Variants in JAK2 observed in about 807,000 individuals in gnomAD.
JAK2 encodes the protein tyrosine-protein kinase JAK2.
JAK2 carries 86 observed loss-of-function variants against 139.3 expected under a neutral mutation model. The ratio of observed to expected loss-of-function variants is 0.62; its 90% CI spans 0.52 to 0.74. The LOEUF is 0.74. JAK2 is among the 30% of genes least tolerant of loss of function. JAK2 has a pLI of 0.00. For synonymous variants in JAK2, 490 were observed against 437.7 expected, an observed-to-expected ratio of 1.12 and a Z score of -1.49; for missense variants, 1,421 against 1,360.3, an observed-to-expected ratio of 1.04 and a Z score of -0.70.
chr9:5,080,735 T>C (rs1819630152), intron 18 of JAK2, 52 bp downstream of exon 18: 1 of 1,336,704 alleles, frequency 7.5e-7, no homozygotes, highest in African/African-American at 1.5e-5. Context: ...CTTTATTGTA[T>C]TTAATGAATC....
rs2130617968 is a variant in JAK2 at position 5,081,733 on chromosome 9, C to T, written c.2443C>T (p.Leu815=). ...LNSLFTPDYE[L]LTENDMLPNM... is the part of the protein sequence containing the mutation. ...ATTCTTTATTTCTCCAGATTATGAA[C>T]TATTAACAGAAAATGACATGTTACC... The change falls in exon 19 of 25, where the codon CTA becomes TTA. Residue 815 remains leucine (L), a synonymous_variant. Transcript: ENST00000381652. The T allele has an allele frequency of 6.3e-7, 1 of 1,592,712 alleles. No individual in the cohort carries two copies. The highest frequency in any genetic ancestry group is 8.6e-7 in the Non-Finnish European group (1 of 1,161,176).
chr9:5,118,431 C>T (rs1042378038), intron 22 of JAK2, among the ~76,000 whole-genome samples: 5 of 152,156 alleles, frequency 3.3e-5, no homozygotes, highest in African/African-American at 7.2e-5. Context: ...GACCAACAAA[C>T]TTGTAACTAT....
chr9:5,040,292 C>CA (rs58348792), intron 4 of JAK2, among the ~76,000 whole-genome samples: 15,658 of 137,958 alleles, frequency 0.11, 2,057 homozygotes, highest in African/African-American at 0.33. Context: ...ACACTATATA[C>CA]AAAAAAAAAA....
chr9:5,115,419 T>G (rs1823062497), intron 22 of JAK2, among the ~76,000 whole-genome samples: 1 of 152,208 alleles, frequency 6.6e-6, no homozygotes, highest in Non-Finnish European at 1.5e-5. Context: ...CAACAGATGC[T>G]GAAGAGGATG....
At position 5,129,400 on chromosome 9, in the gene JAK2, T is replaced by C. The variant is rs1408279346; in HGVS notation, c.*2609T>C. ...GTTTTTAAGAAATGCTTCCTACAAC[T>C]GCTGTCAACCACTGTATTGTCTTTA... is the stretch of plus-strand genomic sequence containing the variant. On this transcript the variant is annotated 3_prime_UTR_variant, in exon 25 of 25. Transcript: ENST00000381652. 6.6e-6 allele frequency among the ~76,000 whole-genome samples: 1 copy of C among 152,130 alleles called. No homozygotes were observed. Among genetic ancestry groups the C allele is most frequent in the Non-Finnish European group, 1.5e-5 (1 of 67,958 alleles).
intron 22 of JAK2, among the ~76,000 whole-genome samples, chr9:5,115,358 G>C (rs1823055422): frequency 6.6e-6 from 1 of 152,196 alleles, no homozygotes; most frequent in African/African-American, 2.4e-5. Flanking sequence ...AAACCAGAGT[G>C]AGGTACCATC....
chr9:5,003,038 G>T lies in JAK2; in HGVS notation c.-26+17016G>T, dbSNP rs1175896156. Among the ~76,000 whole-genome samples, 6 of 151,842 alleles carry T rather than the reference G, an allele frequency of 4.0e-5. No individual in the cohort carries two copies. In the East Asian group the frequency reaches 1.2e-3, roughly 29 times the overall value. On this transcript the variant is annotated intron_variant, in intron 2 of 24. Coordinates refer to ENST00000381652, the MANE Select transcript of JAK2 (RefSeq NM_004972.4). Reference sequence around the variant, plus strand: ...CAATGGCACATCTGTTCCAAATTAGGTAACTGTATGTGAGTATGTTTTTTT... The same window carrying T: ...CAATGGCACATCTGTTCCAAATTAGTTAACTGTATGTGAGTATGTTTTTTT...
At position 5,046,617 on chromosome 9, in the gene JAK2, A is replaced by G. The variant is rs536834436; in HGVS notation, c.468+2097A>G. 3.7e-4 allele frequency among the ~76,000 whole-genome samples: 57 copies of G among 152,300 alleles called. 1 individual carries two copies. Among genetic ancestry groups the G allele is most frequent in the African/African-American group, 1.3e-3 (56 of 41,570 alleles). On this transcript the variant is annotated intron_variant, in intron 5 of 24. Coordinates refer to ENST00000381652, the MANE Select transcript of JAK2 (RefSeq NM_004972.4). ...GGCCCAACTTCTTTTGCTTGTGAAT[A>G]TCCAGTTTTCCTAGCACCATTTGTT...
intron 14 of JAK2, among the ~76,000 whole-genome samples, chr9:5,076,693 C>T (rs138616594): frequency 6.6e-6 from 1 of 152,202 alleles, no homozygotes; most frequent in African/African-American, 2.4e-5. Context: ...TTTAGTGCCT[C>T]ACAAAGTTTA....
intron 8 of JAK2, among the ~76,000 whole-genome samples, chr9:5,060,108 T>A (rs957646617): frequency 1.3e-5 from 2 of 152,228 alleles, no homozygotes; most frequent in Non-Finnish European, 2.9e-5. Flanking sequence ...CTACTAAGTG[T>A]GCAACAGCAT....
intron 2 of JAK2, among the ~76,000 whole-genome samples, chr9:5,014,184 C>G (rs10974913): frequency 0.52 from 50,363 of 96,822 alleles, 10,212 homozygotes; most frequent in African/African-American, 0.68. Flanking sequence ...TTTTTTTTTT[C>G]GTAGAGACAG....
At chr9:5,041,182 C>T in intron 4 of JAK2, 3 of 1,346,466 alleles carry the variant, frequency 2.2e-6, no homozygotes, top group Non-Finnish European at 3.1e-6. Context: ...CCAAGAACCT[C>T]ATTTACCAGG....
At chr9:5,118,265 C>G (rs1190879050) in intron 22 of JAK2, among the ~76,000 whole-genome samples, 1 of 152,126 alleles carries the variant, frequency 6.6e-6, no homozygotes, top group African/African-American at 2.4e-5. Flanking sequence ...TGTATCATTC[C>G]TTTTTCTCTT....
At chr9:5,101,701 T>A (rs943146349) in intron 22 of JAK2, among the ~76,000 whole-genome samples, 3 of 152,194 alleles carry the variant, frequency 2.0e-5, no homozygotes, top group African/African-American at 7.2e-5. Flanking sequence ...GCAGCAACAT[T>A]GGCTGTTCTG....
At chr9:5,113,938 C>G (rs1822894135) in intron 22 of JAK2, 1 of 252,686 alleles carries the variant, frequency 4.0e-6, no homozygotes, top group African/African-American at 2.3e-5. Context: ...CATCCAGTTC[C>G]TGTGCCTCAT....
At chr9:5,030,850 A>G (rs1002858547) in intron 4 of JAK2, among the ~76,000 whole-genome samples, 2 of 152,146 alleles carry the variant, frequency 1.3e-5, no homozygotes, top group African/African-American at 4.8e-5. Flanking sequence ...TGAGTTCAAA[A>G]AAATATTTTT....
At chr9:5,094,638 C>T (rs1444302305) in intron 22 of JAK2, 1 of 152,280 alleles carries the variant, frequency 6.6e-6, no homozygotes, top group Middle Eastern at 3.4e-3. Flanking sequence ...TATTTCCACA[C>T]TAGCAAAAAC....
chr9:5,093,083 A>T (rs1044442187), intron 22 of JAK2, among the ~76,000 whole-genome samples: 3 of 152,184 alleles, frequency 2.0e-5, no homozygotes, highest in African/African-American at 7.2e-5. Context: ...AATAGAAGCA[A>T]TAATGTTAAT....
intron 2 of JAK2, among the ~76,000 whole-genome samples, chr9:5,015,226 A>G (rs895207135): frequency 1.3e-5 from 2 of 152,202 alleles, no homozygotes; most frequent in Non-Finnish European, 2.9e-5. Context: ...GCTGAGGCGC[A>G]ATGAATATTC....
Sources: gnomAD v4.1 joint callset for allele counts (sites outside exome capture counted in the v4.1 genomes callset) on GRCh38, gnomAD v4.1.1 for gene constraint, MANE v1.5 for transcripts, NCBI Gene and HGNC (gene_info 2026-07-23, HGNC 2026-07-21) for gene names.